The following NALF1 variants were observed in gnomAD, a reference collection of about 807,000 sequenced individuals.
The protein encoded by NALF1 is NALCN channel auxiliary factor 1.
Under a neutral mutation model 48.4 loss-of-function variants are expected in NALF1, and 3 were observed. That is an observed-to-expected ratio of 0.06 (90% CI 0.03 to 0.16). The LOEUF (loss-of-function observed/expected upper bound fraction) is 0.16, where lower values mean the gene tolerates loss of function less well. Ranked by LOEUF, NALF1 falls within the 10% of genes least tolerant of loss-of-function variation. NALF1 has a pLI of 1.00. For synonymous variants in NALF1, 262 were observed against 245.7 expected (o/e 1.07, Z -0.62); for missense variants, 526 against 571.5 (o/e 0.92, Z 0.81).
chr13:107,314,952 T>C (rs898805485), intron 1 of NALF1, among the ~76,000 whole-genome samples: 1 of 152,318 alleles, frequency 6.6e-6, no homozygotes, highest in Admixed American at 6.5e-5. Flanking sequence ...GCATTTTCAC[T>C]GTGCTCCTTC....
In NALF1 at chr13:107,811,061, A is replaced by T. The variant is rs111634162; in HGVS notation, c.915+54621T>A. Among the ~76,000 whole-genome samples, 28 of 152,252 alleles carry T rather than the reference A, an allele frequency of 1.8e-4. 1 individual carries two copies. Among genetic ancestry groups the T allele is most frequent in the African/African-American group, 5.1e-4 (21 of 41,568 alleles). On this transcript the variant is annotated intron_variant, in intron 1 of 2. Transcript: ENST00000375915. ...ATCCTGTGATGTACTGTGACACACT[A>T]CACCTTTACTCAGAAATATTTATCT... is the stretch of plus-strand genomic sequence containing the variant.
chr13:107,787,020 C>T (rs779722750), intron 1 of NALF1, among the ~76,000 whole-genome samples: 92 of 152,216 alleles, frequency 6.0e-4, no homozygotes, highest in Non-Finnish European at 1.3e-3. Flanking sequence ...GGTAGATATA[C>T]CTGAGAATGT....
chr13:107,471,100 G>A (rs1192694258), intron 1 of NALF1, among the ~76,000 whole-genome samples: 1 of 152,128 alleles, frequency 6.6e-6, no homozygotes, highest in Non-Finnish European at 1.5e-5. Context: ...GATAAAGCTG[G>A]CCATCCTACT....
intron 1 of NALF1, among the ~76,000 whole-genome samples, chr13:107,301,125 A>G (rs999540289): frequency 6.6e-6 from 1 of 152,098 alleles, no homozygotes; most frequent in Admixed American, 6.6e-5. Flanking sequence ...TGTACAAATT[A>G]TCTCTAAAAT....
At chr13:107,248,128 G>A (rs1231929178) in intron 1 of NALF1, among the ~76,000 whole-genome samples, 1 of 151,970 alleles carries the variant, frequency 6.6e-6, no homozygotes, top group Non-Finnish European at 1.5e-5. Flanking sequence ...ATGAATGAGG[G>A]AGAAACATTA....
chr13:107,174,359 A>ATT lies in NALF1; in HGVS notation c.1088-3575_1088-3574dup, dbSNP rs555073785. 4.9e-3 allele frequency among the ~76,000 whole-genome samples: 689 copies of ATT among 141,352 alleles called. 6 individuals carry two copies. The highest frequency in any genetic ancestry group is 7.3e-3 in the Admixed American group (104 of 14,292). The allele number at this position is 141,352 out of a possible 152,430, so 92.7% of individuals were successfully genotyped here. A position where few individuals can be genotyped will look rare whatever the true frequency, so the allele number is the denominator to read the frequency against. ...AACTTTTATTTTTATTTATTTATTT[A>ATT]TTTATTTTTTTTTTTGAGACAGAGT... On this transcript the variant is annotated intron_variant, in intron 2 of 2. Transcript: ENST00000375915.
At chr13:107,256,899 G>T (rs1880827287) in intron 1 of NALF1, among the ~76,000 whole-genome samples, 1 of 152,134 alleles carries the variant, frequency 6.6e-6, no homozygotes, top group Non-Finnish European at 1.5e-5. Flanking sequence ...TAAGCTTAGG[G>T]ATGCATCTAA....
At chr13:107,638,276 A>C (rs1880046586) in intron 1 of NALF1, among the ~76,000 whole-genome samples, 3 of 149,692 alleles carry the variant, frequency 2.0e-5, no homozygotes, top group African/African-American at 7.3e-5. Flanking sequence ...CTTCCATGAA[A>C]GTGGTATCAT....
intron 1 of NALF1, among the ~76,000 whole-genome samples, chr13:107,278,051 A>T (rs1005990207): frequency 3.3e-5 from 5 of 152,216 alleles, no homozygotes; most frequent in African/African-American, 1.2e-4. Flanking sequence ...TAAAAATAAG[A>T]GCAGTAGTTT....
intron 1 of NALF1, among the ~76,000 whole-genome samples, chr13:107,802,268 A>G (rs1878642646): frequency 6.6e-6 from 1 of 152,204 alleles, no homozygotes; most frequent in African/African-American, 2.4e-5. Context: ...TTTGCTGTGT[A>G]GATACCTCTA....
chr13:107,502,584 C>A (rs573838340), intron 1 of NALF1, among the ~76,000 whole-genome samples: 4 of 152,236 alleles, frequency 2.6e-5, no homozygotes, highest in African/African-American at 9.6e-5. Context: ...TTAACCCTTC[C>A]CCTTGGGGCT....
intron 1 of NALF1, among the ~76,000 whole-genome samples, chr13:107,301,572 T>A (rs1881837627): frequency 6.6e-6 from 1 of 152,200 alleles, no homozygotes; most frequent in African/African-American, 2.4e-5. Flanking sequence ...GCATTTTTCC[T>A]CATCTGAAAA....
At chr13:107,828,669 T>A (rs1281454357) in intron 1 of NALF1, among the ~76,000 whole-genome samples, 1 of 150,064 alleles carries the variant, frequency 6.7e-6, no homozygotes, top group East Asian at 2.0e-4. Context: ...GCAACAAACA[T>A]GATTTTTATT....
intron 1 of NALF1, among the ~76,000 whole-genome samples, chr13:107,620,959 A>T (rs986720091): frequency 6.6e-6 from 1 of 152,084 alleles, no homozygotes; most frequent in Non-Finnish European, 1.5e-5. Flanking sequence ...ACTAGAAGTA[A>T]TCATTTCTAC....
At chr13:107,511,394 G>A (rs776861172) in intron 1 of NALF1, among the ~76,000 whole-genome samples, 4 of 152,154 alleles carry the variant, frequency 2.6e-5, no homozygotes, top group Non-Finnish European at 5.9e-5. Context: ...ACGTTTGGTG[G>A]AAGGGGTTGG....
chr13:107,795,408 A>G (rs1214339382), intron 1 of NALF1, among the ~76,000 whole-genome samples: 4 of 152,122 alleles, frequency 2.6e-5, no homozygotes, highest in Non-Finnish European at 2.9e-5. Flanking sequence ...ACCTTAACAC[A>G]GAGATTGGAA....
At chr13:107,781,410 T>G (rs1325764769) in intron 1 of NALF1, among the ~76,000 whole-genome samples, 1 of 152,164 alleles carries the variant, frequency 6.6e-6, no homozygotes, top group Non-Finnish European at 1.5e-5. Context: ...CAGATTTTTT[T>G]AATCTGATCT....
chr13:107,275,254 A>AT (rs1566471744), intron 1 of NALF1, among the ~76,000 whole-genome samples: 1 of 151,946 alleles, frequency 6.6e-6, no homozygotes, highest in African/African-American at 2.4e-5. Flanking sequence ...ATATTTTTTT[A>AT]TTTTTTTCAC....
At chr13:107,520,334 C>A (rs16970516) in intron 1 of NALF1, among the ~76,000 whole-genome samples, 6,642 of 152,190 alleles carry the variant, frequency 0.044, 236 homozygotes, top group East Asian at 0.1. Flanking sequence ...AATTTCAGGC[C>A]TCCCTAAGCA....
Sources: gnomAD v4.1 joint callset for allele counts (sites outside exome capture counted in the v4.1 genomes callset) on GRCh38, gnomAD v4.1.1 for gene constraint, MANE v1.5 for transcripts, NCBI Gene and HGNC (gene_info 2026-07-23, HGNC 2026-07-21) for gene names.